The following TRMT44 variants were observed in gnomAD, a reference collection of about 807,000 sequenced individuals.
TRMT44 encodes probable tRNA (uracil-O(2)-)-methyltransferase.
A neutral mutation model predicts 77.3 loss-of-function variants in TRMT44; 78 were observed. That is an observed-to-expected ratio of 1.01 (90% CI 0.84 to 1.22). The LOEUF is 1.22. TRMT44 is among the 50% of genes most tolerant of loss of function. The pLI, the probability that TRMT44 is intolerant of heterozygous loss-of-function variation, is 0.00. For missense variants in TRMT44, 1,090 were observed against 964.4 expected (o/e 1.13, Z -1.73); for synonymous variants, 391 against 383.3 (o/e 1.02, Z -0.23).
At chr4:8,466,280 C>A (rs894607566) in intron 8 of TRMT44, among the ~76,000 whole-genome samples, 1 of 152,254 alleles carries the variant, frequency 6.6e-6, no homozygotes, top group Non-Finnish European at 1.5e-5. Flanking sequence ...CCCAGCTGAT[C>A]TGAGTGAAGC....
At chr4:8,508,132 C>G in the TRMT44 span, among the ~76,000 whole-genome samples, 1 of 152,178 alleles carries the variant, frequency 6.6e-6, no homozygotes, top group Non-Finnish European at 1.5e-5. Context: ...GTCTCGAACT[C>G]CTGACCTCAG....
In TRMT44 at chr4:8,446,741, C is replaced by G. The variant is rs1725085231; in HGVS notation, c.734+151C>G. On this transcript the variant is annotated intron_variant, in intron 2 of 10. Transcript: ENST00000389737. The surrounding 1 kb of genome is among the most constrained non-coding windows in gnomAD (Gnocchi z 4.3). ...GCAGTTGCTAGCTTATGTGCCCAGGCCATGTTGCTCTTCCTGTTGGTGCCT... is the reference window on the plus strand; with the variant it reads ...GCAGTTGCTAGCTTATGTGCCCAGGGCATGTTGCTCTTCCTGTTGGTGCCT... Among the ~76,000 whole-genome samples the G allele has an allele frequency of 1.3e-5, 2 of 151,954 alleles. No homozygotes were observed.
intron 2 of TRMT44, among the ~76,000 whole-genome samples, chr4:8,487,805 G>A (rs368249735): frequency 3.9e-5 from 6 of 152,268 alleles, no homozygotes; most frequent in African/African-American, 1.2e-4. Flanking sequence ...AGCAGGACTT[G>A]CCACTAAGGG....
chr4:8,516,765 A>G, the TRMT44 span, among the ~76,000 whole-genome samples: 1 of 152,184 alleles, frequency 6.6e-6, no homozygotes, highest in South Asian at 2.1e-4. Flanking sequence ...GCAACAGAGC[A>G]AGACCCTGTC....
In TRMT44 at chr4:8,440,805, G is replaced by C. The variant is rs1296246436; in HGVS notation, c.-18G>C. On this transcript the variant is annotated 5_prime_UTR_variant, in exon 1 of 11. Transcript: ENST00000389737. ...ATCTCGGCGCGCCGCTGCCAGGGCT[G>C]TACACCTGCTGGCTGCCATGGCTGA... is the stretch of plus-strand genomic sequence containing the variant. The C allele has an allele frequency of 1.4e-6, 2 of 1,437,782 alleles. No homozygotes were observed. Among genetic ancestry groups the C allele is most frequent in the East Asian group, 2.8e-5 (1 of 35,972 alleles). 89.1% of individuals were successfully genotyped at this position (1,437,782 alleles called of 1,614,324 possible). A position where few individuals can be genotyped will look rare whatever the true frequency, so the allele number is the denominator to read the frequency against.
intron 6 of TRMT44, among the ~76,000 whole-genome samples, chr4:8,459,807 C>T (rs958712868): frequency 1.3e-5 from 2 of 152,204 alleles, no homozygotes; most frequent in Admixed American, 6.5e-5. Flanking sequence ...GACAAGAGCC[C>T]CTGCCTTTAT....
intron 6 of TRMT44, among the ~76,000 whole-genome samples, chr4:8,457,736 C>T (rs1312081683): frequency 1.3e-5 from 2 of 152,170 alleles, no homozygotes; most frequent in African/African-American, 2.4e-5. Flanking sequence ...CAGATGTTGG[C>T]CTGACTTCAC....
intron 2 of TRMT44, among the ~76,000 whole-genome samples, chr4:8,488,922 A>G (rs1727906425): frequency 6.6e-6 from 1 of 152,200 alleles, no homozygotes; most frequent in Non-Finnish European, 1.5e-5. Context: ...AGGGAGGAAA[A>G]TCACCAGTAA....
chr4:8,493,093 C>T (rs1251298081), intron 2 of TRMT44, among the ~76,000 whole-genome samples: 1 of 152,102 alleles, frequency 6.6e-6, no homozygotes, highest in Non-Finnish European at 1.5e-5. Context: ...AACTCTTTTC[C>T]AAAACAAAGT....
chr4:8,492,128 C>T (rs890362032), intron 2 of TRMT44, among the ~76,000 whole-genome samples: 8 of 152,230 alleles, frequency 5.3e-5, no homozygotes, highest in African/African-American at 1.9e-4. Context: ...GCGAGGTTTC[C>T]TCCATATTGA....
At chr4:8,470,198 C>T (rs147957743) in intron 9 of TRMT44, among the ~76,000 whole-genome samples, 47 of 152,324 alleles carry the variant, frequency 3.1e-4, no homozygotes, top group African/African-American at 1.0e-3. Context: ...TTGAGACAGC[C>T]GAGAGGTGGA....
chr4:8,515,187 G>A, the TRMT44 span, among the ~76,000 whole-genome samples: 1 of 152,114 alleles, frequency 6.6e-6, no homozygotes, highest in Middle Eastern at 3.4e-3. Flanking sequence ...GGCTGGTCTC[G>A]AAATCCTGAG....
downstream of TRMT44, chr4:8,477,064 T>C (rs1031063345): frequency 5.3e-5 from 8 of 152,190 alleles, no homozygotes; most frequent in African/African-American, 1.4e-4. Flanking sequence ...TTTAAAGTTA[T>C]TTCTATGGTT....
At position 8,465,413 on chromosome 4, in the gene TRMT44, G is replaced by C. The variant is rs1414619836; in HGVS notation, c.1346G>C (p.Cys449Ser). The stretch of plus-strand genomic sequence containing the variant: ...AATTGCCGCTTCTTTGTCCTCCCCT[G>C]CTGCTTCTTTGACTTCATTGGAAGA... ...SYNCRFFVLPCCFFDFIGRYS... is the reference protein window; with the variant it reads ...SYNCRFFVLPSCFFDFIGRYS... Residue 449 changes from cysteine to serine, a missense_variant, in exon 8 of 11, where the codon TGC (cysteine) becomes TCC (serine). Physicochemically the swap from Cys to Ser is moderately radical, Grantham distance 112. Transcript: ENST00000389737. 2 of 1,613,720 alleles carry C rather than the reference G, an allele frequency of 1.2e-6. No homozygotes were observed. The highest frequency in any genetic ancestry group is 1.7e-6 in the Non-Finnish European group (2 of 1,179,916).
intron 1 of TRMT44, among the ~76,000 whole-genome samples, chr4:8,442,999 G>C (rs1359427266): frequency 1.3e-5 from 2 of 152,122 alleles, no homozygotes; most frequent in Non-Finnish European, 2.9e-5. Context: ...GTATATTCAC[G>C]AGTCCTGGGT....
At chr4:8,502,817 G>A in the TRMT44 span, among the ~76,000 whole-genome samples, 5 of 152,162 alleles carry the variant, frequency 3.3e-5, no homozygotes, top group South Asian at 2.1e-4. Flanking sequence ...CCCAGATCCC[G>A]CTTACACTCA....
chr4:8,479,829 T>C (rs1727557091), downstream of TRMT44, among the ~76,000 whole-genome samples: 1 of 152,214 alleles, frequency 6.6e-6, no homozygotes, highest in African/African-American at 2.4e-5. Flanking sequence ...TCTTTTTTAA[T>C]AACAGCTTAA....
At chr4:8,463,846 CG>C in intron 6 of TRMT44, 138 bp from the exon 7 acceptor site, 1 of 683,298 alleles carries the variant, frequency 1.5e-6, no homozygotes. Flanking sequence ...CGCTCTTCCC[CG>C]CTCTTGGTCA....
intron 2 of TRMT44, among the ~76,000 whole-genome samples, chr4:8,491,908 C>G (rs928928312): frequency 1.3e-5 from 2 of 152,232 alleles, no homozygotes; most frequent in Non-Finnish European, 2.9e-5. Flanking sequence ...AAGTGGGAGC[C>G]CAGGCAGAGG....
Sources: gnomAD v4.1 joint callset for allele counts (sites outside exome capture counted in the v4.1 genomes callset) on GRCh38, gnomAD v4.1.1 for gene constraint, Gnocchi (gnomAD v3.1) non-coding constraint, MANE v1.5 for transcripts, NCBI Gene and HGNC (gene_info 2026-07-23, HGNC 2026-07-21) for gene names.